XYLB: variants seen among roughly 807,000 people sequenced by gnomAD.
XYLB encodes the protein xylulose kinase.
Under a neutral mutation model 78.7 loss-of-function variants are expected in XYLB, and 62 were observed. The observed-to-expected ratio is 0.79, with a 90% confidence interval of 0.64 to 0.97. XYLB has a LOEUF of 0.97. XYLB is among the 50% of genes least tolerant of loss of function. The pLI is 0.00. For missense variants in XYLB, 687 were observed against 676.8 expected (o/e 1.02, Z -0.17); for synonymous variants, 245 against 247.4 (o/e 0.99, Z 0.09).
chr3:38,375,037 T>G, intron 11 of XYLB, 107 bp from the exon 12 acceptor site: 3 of 858,324 alleles, frequency 3.5e-6, no homozygotes, highest in Non-Finnish European at 5.5e-6. Flanking sequence ...GTCTGCAGCA[T>G]GAGTGAAGTG....
intron 10 of XYLB, 41 bp from the exon 11 acceptor site, chr3:38,374,421 T>C (rs776775716): frequency 9.2e-5 from 149 of 1,613,748 alleles, no homozygotes; most frequent in Non-Finnish European, 1.1e-4. Context: ...GTGGTTCCCA[T>C]GTGGCCGCCA....
chr3:38,365,411 C>A, intron 5 of XYLB, 126 bp downstream of exon 5: 1 of 1,361,832 alleles, frequency 7.3e-7, no homozygotes, highest in Non-Finnish European at 1.0e-6. Context: ...GAGCTTTCAA[C>A]CTCAGGCTTT....
chr3:38,379,460 AG>A, intron 15 of XYLB, 118 bp downstream of exon 15: 2 of 961,834 alleles, frequency 2.1e-6, no homozygotes, highest in Non-Finnish European at 3.2e-6. Flanking sequence ...GGACTTGTGC[AG>A]GAGGGAGGTG....
chr3:38,400,824 C>A (rs1265378376), intron 17 of XYLB, 67 bp from the exon 18 acceptor site: 1 of 1,350,400 alleles, frequency 7.4e-7, no homozygotes, highest in Non-Finnish European at 1.1e-6. Context: ...TGAGATCCTT[C>A]GTGGTGTTTT....
downstream of XYLB, among the ~76,000 whole-genome samples, chr3:38,417,218 T>G (rs953970758): frequency 6.6e-6 from 1 of 152,074 alleles, no homozygotes; most frequent in Admixed American, 6.6e-5. Flanking sequence ...GGTGGATCGC[T>G]TGAGCTCAGA....
intron 11 of XYLB, 139 bp downstream of exon 11, chr3:38,374,641 CAG>C (rs1420086599): frequency 9.8e-7 from 1 of 1,024,250 alleles, no homozygotes. Context: ...TGCTACTTAT[CAG>C]AGTGTCTGCC....
intron 17 of XYLB, among the ~76,000 whole-genome samples, chr3:38,397,858 C>CG (rs1378127583): frequency 7.0e-6 from 1 of 142,184 alleles, no homozygotes; most frequent in Non-Finnish European, 1.5e-5. Context: ...CTTGCTCTGT[C>CG]ACCAGGTTGG....
At chr3:38,407,797 A>C (rs981306963) in intron 18 of XYLB, among the ~76,000 whole-genome samples, 5 of 151,156 alleles carry the variant, frequency 3.3e-5, no homozygotes, top group African/African-American at 1.2e-4. Flanking sequence ...AGGCCATTAC[A>C]TAATGGTAAA....
downstream of XYLB, among the ~76,000 whole-genome samples, chr3:38,418,704 G>A (rs1340493993): frequency 1.3e-5 from 2 of 152,010 alleles, no homozygotes; most frequent in Admixed American, 1.3e-4. Flanking sequence ...ACTTAACAAA[G>A]TTTTATAGTT....
At chr3:38,433,179 C>T in the XYLB span, among the ~76,000 whole-genome samples, 1 of 152,256 alleles carries the variant, frequency 6.6e-6, no homozygotes, top group South Asian at 2.1e-4. Flanking sequence ...AGGGCTTGCA[C>T]CCTCTGAAGC....
chr3:38,447,031 A>T, the XYLB span, among the ~76,000 whole-genome samples: 1 of 152,334 alleles, frequency 6.6e-6, no homozygotes, highest in African/African-American at 2.4e-5. Flanking sequence ...CCAACAGGGG[A>T]CTAATATCCA....
At chr3:38,443,380 C>T in the XYLB span, among the ~76,000 whole-genome samples, 1 of 152,156 alleles carries the variant, frequency 6.6e-6, no homozygotes, top group Non-Finnish European at 1.5e-5. Flanking sequence ...CCAGTGATTG[C>T]CTCGGCATAG....
chr3:38,452,507 T>G, the XYLB span: 1 of 152,180 alleles, frequency 6.6e-6, no homozygotes, highest in African/African-American at 2.4e-5. Context: ...CTCAGCTCAC[T>G]GCAACCTCCG....
chr3:38,406,332 T>C (rs560805926), intron 18 of XYLB, among the ~76,000 whole-genome samples: 15 of 152,358 alleles, frequency 9.8e-5, no homozygotes, highest in African/African-American at 3.6e-4. Flanking sequence ...GGGTCCTGTC[T>C]GTTAGAAGGA....
intron 18 of XYLB, among the ~76,000 whole-genome samples, chr3:38,402,921 A>G (rs1354541673): frequency 6.6e-6 from 1 of 152,242 alleles, no homozygotes; most frequent in East Asian, 1.9e-4. Context: ...AAATAAAAAT[A>G]AATGATTAAA....
intron 2 of XYLB, among the ~76,000 whole-genome samples, chr3:38,351,044 C>T (rs768286838): frequency 9.9e-5 from 15 of 151,364 alleles, no homozygotes; most frequent in Non-Finnish European, 1.3e-4. Flanking sequence ...GTATGCTGCA[C>T]GCCTGTAATC....
chr3:38,376,120 T>G lies in XYLB; in HGVS notation c.1008T>G (p.Phe336Leu), dbSNP rs1020613013. The G allele has an allele frequency of 3.7e-6, 6 of 1,611,768 alleles. No individual in the cohort carries two copies. The Admixed American group carries it at 5.0e-5, about 13-fold the overall frequency. Residue 336 changes from phenylalanine (F) to leucine (L), a missense_variant, in exon 13 of 19, where the codon TTT becomes TTG. Physicochemically the swap from Phe to Leu is conservative, Grantham distance 22. Coordinates refer to ENST00000207870, the MANE Select transcript of XYLB (RefSeq NM_005108.4). ...DSQHYMALLC[F>L]KNGSLMREKI... ...AGAGCTATGCCCTCTTCTGCAGCTTTAAAAATGGCTCCCTCATGAGAGAGA... is the reference window on the plus strand; with the variant it reads ...AGAGCTATGCCCTCTTCTGCAGCTTGAAAAATGGCTCCCTCATGAGAGAGA...
At chr3:38,440,727 A>G in the XYLB span, among the ~76,000 whole-genome samples, 1 of 152,208 alleles carries the variant, frequency 6.6e-6, no homozygotes, top group Non-Finnish European at 1.5e-5. Context: ...AAGACCTTCA[A>G]TTATCAATTA....
chr3:38,443,678 G>C, the XYLB span, among the ~76,000 whole-genome samples: 1 of 152,110 alleles, frequency 6.6e-6, no homozygotes, highest in Non-Finnish European at 1.5e-5. Context: ...GCTTTCTTTT[G>C]GAGCTTTCTC....
Sources: allele counts gnomAD v4.1 joint callset (sites outside exome capture counted in the v4.1 genomes callset), GRCh38; gene constraint gnomAD v4.1.1; transcripts MANE v1.5; gene names NCBI Gene and HGNC (gene_info 2026-07-23, HGNC 2026-07-21).